CEP295: variants seen among roughly 807,000 people sequenced by gnomAD.
The protein encoded by CEP295 is centrosomal protein of 295 kDa.
A neutral mutation model predicts 291.6 loss-of-function variants in CEP295; 190 were observed. That is an observed-to-expected ratio of 0.65 (90% CI 0.58 to 0.73). The LOEUF is 0.73. Ranked by LOEUF, CEP295 falls within the 30% of genes least tolerant of loss-of-function variation. The probability of loss-of-function intolerance (pLI) is 0.00; values close to 1 mark genes in which losing one functional copy is unlikely to be tolerated. For missense variants in CEP295, 2,863 were observed against 2,949.4 expected, an observed-to-expected ratio of 0.97 and a Z score of 0.68; for synonymous variants, 993 against 1,038.8, an observed-to-expected ratio of 0.96 and a Z score of 0.85.
chr11:93,701,929 G>A (rs549643406), intron 15 of CEP295, among the ~76,000 whole-genome samples: 5 of 151,838 alleles, frequency 3.3e-5, no homozygotes, highest in Admixed American at 6.6e-5. Flanking sequence ...GTCCAAGGCT[G>A]TGAATGGTTG....
rs112011172 is a variant in CEP295, at chr11:93,700,495, G to C, written c.5274+309G>C. Among the ~76,000 whole-genome samples, 126 of 148,600 alleles carry C rather than the reference G, an allele frequency of 8.5e-4. 3 individuals carry two copies. In the Middle Eastern group the frequency reaches 0.011, roughly 13 times the overall value. ...GGCTGGAGTAGAGTGGCACCATGTCGGCTCACTGCAACCCCTACCTCCTGG... is the reference window on the plus strand; with the variant it reads ...GGCTGGAGTAGAGTGGCACCATGTCCGCTCACTGCAACCCCTACCTCCTGG... On this transcript the variant is annotated intron_variant, in intron 15 of 29. Transcript: ENST00000325212.
Position 93,683,957 on chromosome 11 carries a change from T to C in CEP295, c.950-7T>C. 1.3e-6 allele frequency: 2 copies of C among 1,537,380 alleles called. No homozygotes were observed. The highest frequency in any genetic ancestry group is 1.7e-6 in the Non-Finnish European group (2 of 1,143,782). ...ATGGAAACGTGTCTCTATTTTTCTT[T>C]TTTAAGAGGTGAAAGGGAATCTGAT... On this transcript the variant is annotated splice_region_variant and splice_polypyrimidine_tract_variant and intron_variant, in intron 8 of 29. Coordinates refer to ENST00000325212, the MANE Select transcript of CEP295 (RefSeq NM_033395.2).
Position 93,692,036 on chromosome 11 carries a change from T to C in CEP295, c.1533+6T>C, listed in dbSNP as rs1951580898. The C allele has an allele frequency of 7.1e-7, 1 of 1,409,550 alleles. No individual in the cohort carries two copies. Among genetic ancestry groups the C allele is most frequent in the Admixed American group, 2.2e-5 (1 of 46,034 alleles). The allele number at this position is 1,409,550 out of a possible 1,614,324, so 87.3% of individuals were successfully genotyped here. On this transcript the variant is annotated splice_donor_region_variant and intron_variant, in intron 12 of 29. Coordinates refer to ENST00000325212, the MANE Select transcript of CEP295 (RefSeq NM_033395.2). ...TGTCAGCAAGGCAGAAACAGGTAAT[T>C]TGAAATTTTATTTTTAAAGGTTTAT...
chr11:93,700,946 G>GTAGA (rs1356593385), intron 15 of CEP295, among the ~76,000 whole-genome samples: 1 of 152,194 alleles, frequency 6.6e-6, no homozygotes. Context: ...TTAGGCTGAT[G>GTAGA]TAGAGCTGGA....
chr11:93,724,659 C>T (rs1266624931), intron 22 of CEP295, among the ~76,000 whole-genome samples: 3 of 151,774 alleles, frequency 2.0e-5, no homozygotes, highest in East Asian at 3.9e-4. Flanking sequence ...CCCAGCTACT[C>T]GGGAGGCTGA....
In CEP295 at chr11:93,730,071, G is replaced by T; in HGVS notation, c.7690G>T (p.Val2564Leu). ...CAGGTTATACAATCAACTAGCTGAA[G>T]TGAAACAACAAAAGGAAGAAAAAAC... ...GLRLYNQLAEVKQQKEEKTKQ... is the reference protein window; with the variant it reads ...GLRLYNQLAELKQQKEEKTKQ... The change falls in exon 29 of 30, where the codon GTG (valine) becomes TTG (leucine). Residue 2564 changes from valine to leucine, a missense_variant. By Grantham distance (32) the Val-to-Leu change is conservative. Transcript: ENST00000325212. The T allele has an allele frequency of 1.9e-6, 3 of 1,550,080 alleles. No individual in the cohort carries two copies. The South Asian group carries it at 3.6e-5, about 18-fold the overall frequency.
chr11:93,686,869 A>T (rs1338926628), intron 9 of CEP295, among the ~76,000 whole-genome samples: 1 of 152,176 alleles, frequency 6.6e-6, no homozygotes, highest in Non-Finnish European at 1.5e-5. Flanking sequence ...TTATAACTCA[A>T]TTGGAATTTT....
chr11:93,729,353 G>A (rs1370087573), intron 25 of CEP295, 81 bp from the exon 26 acceptor site: 14 of 917,524 alleles, frequency 1.5e-5, no homozygotes, highest in East Asian at 1.3e-4. Context: ...TGATCATGCC[G>A]CTGCACTCTA....
rs993082562 is a variant in CEP295 at position 93,728,835 on chromosome 11, T to C, written c.7302+14T>C. On this transcript the variant is annotated intron_variant, in intron 25 of 29. Coordinates refer to ENST00000325212, the MANE Select transcript of CEP295 (RefSeq NM_033395.2). The stretch of plus-strand genomic sequence containing the variant: ...TGCTTCTTTCAGGTAAATTTAAGCT[T>C]TCCTTCTATTTTATTCTATTACAAG... 3 of 1,530,014 alleles carry C rather than the reference T, an allele frequency of 2.0e-6. No homozygotes were observed. Among genetic ancestry groups the C allele is most frequent in the African/African-American group, 2.8e-5 (2 of 71,908 alleles). 94.8% of individuals were successfully genotyped at this position (1,530,014 alleles called of 1,614,324 possible).
chr11:93,667,870 GTTGTT>G, intron 3 of CEP295, 63 bp downstream of exon 3: 2 of 1,085,720 alleles, frequency 1.8e-6, no homozygotes, highest in South Asian at 3.5e-5. Flanking sequence ...GTAAATTATA[GTTGTT>G]GAATGCTTTT....
chr11:93,698,966 A>G lies in CEP295; in HGVS notation c.4054A>G (p.Lys1352Glu). The G allele has an allele frequency of 6.4e-7, 1 of 1,551,046 alleles. No homozygotes were observed. Among genetic ancestry groups the G allele is most frequent in the Non-Finnish European group, 8.7e-7 (1 of 1,147,000 alleles). ...QLIQPQQDNL[K>E]ALQEQLATQR... ...TATCCAGCCTCAACAAGATAATTTG[A>G]AGGCACTTCAAGAACAGTTAGCTAC... The change falls in exon 15 of 30, where the codon AAG becomes GAG. Residue 1352 changes from lysine to glutamate, a missense_variant. By Grantham distance (56) the Lys-to-Glu change is moderately conservative. Around this residue, in one of 3 missense-constraint regions of CEP295, gnomAD observed 2,295 missense variants for 2,335.7 expected, o/e 0.98. Transcript: ENST00000325212.
Position 93,669,764 on chromosome 11 carries a change from T to G in CEP295, c.522T>G (p.Leu174=). The G allele has an allele frequency of 6.5e-7, 1 of 1,546,682 alleles. No homozygotes were observed. The highest frequency in any genetic ancestry group is 2.4e-5 in the East Asian group (1 of 40,822). The change falls in exon 5 of 30, where the codon CTT becomes CTG. Residue 174 remains leucine, a synonymous_variant. Transcript: ENST00000325212. ...GTCTGCCACCTCCTCCTCCAACTCT[T>G]TTTGAGGTGAGTTTGAGTATTAAGA... ...ITSLPPPPPT[L]FENIEVKRIS...
Position 93,730,066 on chromosome 11 carries a change from C to A in CEP295, c.7685C>A (p.Ala2562Asp), listed in dbSNP as rs1351711326. Residue 2562 changes from alanine to aspartate, a missense_variant, in exon 29 of 30, where the codon GCT becomes GAT. By Grantham distance (126) the Ala-to-Asp change is moderately radical (BLOSUM62 -2). Transcript: ENST00000325212. Reference protein sequence around the residue: ...QRGLRLYNQLAEVKQQKEEKT... With the variant: ...QRGLRLYNQLDEVKQQKEEKT... ...CTTTACAGGTTATACAATCAACTAG[C>A]TGAAGTGAAACAACAAAAGGAAGAA... 14 of 1,549,334 alleles carry A rather than the reference C, an allele frequency of 9.0e-6. No individual in the cohort carries two copies. The highest frequency in any genetic ancestry group is 1.7e-4 in the Middle Eastern group (1 of 6,006).
At chr11:93,727,888 AAT>A (rs1365637514) in intron 24 of CEP295, 1 of 364,048 alleles carries the variant, frequency 2.7e-6, no homozygotes, top group African/African-American at 2.1e-5. Flanking sequence ...GATCACTAGA[AAT>A]ATCCAGCATA....
At chr11:93,704,389 G>A (rs1428629586) in intron 17 of CEP295, among the ~76,000 whole-genome samples, 1 of 152,170 alleles carries the variant, frequency 6.6e-6, no homozygotes, top group Non-Finnish European at 1.5e-5. Context: ...ACTTTGGGAG[G>A]CTGAGATGGG....
chr11:93,713,669 T>C (rs2135248237), intron 18 of CEP295, among the ~76,000 whole-genome samples: 1 of 152,312 alleles, frequency 6.6e-6, no homozygotes, highest in African/African-American at 2.4e-5. Context: ...CTGCTTGGTG[T>C]TCTCTGTTCC....
chr11:93,719,887 G>A (rs919909578), intron 18 of CEP295, among the ~76,000 whole-genome samples: 4 of 152,080 alleles, frequency 2.6e-5, no homozygotes, highest in African/African-American at 9.7e-5. Flanking sequence ...GTCTTGGTGA[G>A]CTTTCTCACA....
At chr11:93,673,257 C>G (rs1950532904) in intron 5 of CEP295, among the ~76,000 whole-genome samples, 1 of 152,094 alleles carries the variant, frequency 6.6e-6, no homozygotes, top group Non-Finnish European at 1.5e-5. Flanking sequence ...CAAGACCAGC[C>G]TGGGCAACAT....
At chr11:93,681,532 T>C (rs1453721010) in intron 7 of CEP295, among the ~76,000 whole-genome samples, 3 of 144,954 alleles carry the variant, frequency 2.1e-5, no homozygotes, top group African/African-American at 7.6e-5. Flanking sequence ...TCTCCTGCCT[T>C]GGCCTCCCAA....
Sources: allele counts gnomAD v4.1 joint callset (sites outside exome capture counted in the v4.1 genomes callset), GRCh38; gene constraint gnomAD v4.1.1; regional missense constraint gnomAD v4.1.1; transcripts MANE v1.5; gene names NCBI Gene and HGNC (gene_info 2026-07-23, HGNC 2026-07-21).